ASAP2: variants seen among roughly 807,000 people sequenced by gnomAD.
ASAP2 encodes arf-GAP with SH3 domain, ANK repeat and PH domain-containing protein 2.
Under a neutral mutation model 131.4 loss-of-function variants are expected in ASAP2, and 45 were observed. That is an observed-to-expected ratio of 0.34 (90% confidence interval 0.27 to 0.44). The LOEUF (loss-of-function observed/expected upper bound fraction) is 0.44, where lower values mean the gene tolerates loss of function less well. Ranked by LOEUF, ASAP2 falls within the 20% of genes least tolerant of loss-of-function variation. ASAP2 has a pLI of 1.00. For missense variants in ASAP2, 1,011 were observed against 1,297.0 expected (o/e 0.78, Z 3.39); for synonymous variants, 510 against 503.0 (o/e 1.01, Z -0.19).
chr2:9,228,285 T>C (rs1662919548), intron 1 of ASAP2, among the ~76,000 whole-genome samples: 1 of 152,220 alleles, frequency 6.6e-6, no homozygotes, highest in East Asian at 1.9e-4. Flanking sequence ...AATATACTTA[T>C]GTCATCTGTC....
At chr2:9,274,319 CT>C (rs57798948) in intron 1 of ASAP2, among the ~76,000 whole-genome samples, 179 of 106,760 alleles carry the variant, frequency 1.7e-3, no homozygotes, top group African/African-American at 4.8e-3. Context: ...AGCATTCAAT[CT>C]TTTTTTTTTT....
chr2:9,322,540 G>A (rs1670221346), intron 5 of ASAP2, among the ~76,000 whole-genome samples: 1 of 151,000 alleles, frequency 6.6e-6, no homozygotes, highest in African/African-American at 2.5e-5. Flanking sequence ...GCTCTTCTTT[G>A]GATGTGCTCA....
At chr2:9,301,689 G>T (rs1668484552) in intron 3 of ASAP2, among the ~76,000 whole-genome samples, 1 of 152,214 alleles carries the variant, frequency 6.6e-6, no homozygotes, top group African/African-American at 2.4e-5. Context: ...GAAAGCAGGA[G>T]CCAATGGGTG....
intron 20 of ASAP2, among the ~76,000 whole-genome samples, chr2:9,384,505 GTC>G (rs1675108708): frequency 1.3e-5 from 2 of 152,246 alleles, no homozygotes; most frequent in Admixed American, 6.5e-5. Context: ...CCAGACACCA[GTC>G]ACAAATCAAC....
At chr2:9,216,846 G>C (rs1414034191) in intron 1 of ASAP2, among the ~76,000 whole-genome samples, 1 of 152,014 alleles carries the variant, frequency 6.6e-6, no homozygotes, top group Admixed American at 6.6e-5. Context: ...TGATCCTCCT[G>C]CCTTGCCCTC....
chr2:9,335,297 G>T (rs1009818510), intron 9 of ASAP2, 118 bp downstream of exon 9: 2 of 809,720 alleles, frequency 2.5e-6, no homozygotes, highest in South Asian at 1.6e-5. Flanking sequence ...GCTGTGTCAG[G>T]CACCAGTAAA....
chr2:9,338,395 G>A (rs1671362767), intron 9 of ASAP2, among the ~76,000 whole-genome samples: 2 of 151,798 alleles, frequency 1.3e-5, no homozygotes, highest in Admixed American at 6.6e-5. Context: ...CAAGCATCCT[G>A]TCTAGTAGGA....
intron 9 of ASAP2, among the ~76,000 whole-genome samples, chr2:9,339,593 G>T (rs971397338): frequency 2.0e-5 from 3 of 152,076 alleles, no homozygotes; most frequent in Admixed American, 6.6e-5. Flanking sequence ...AGATACCGTA[G>T]TGACCAAATT....
intron 1 of ASAP2, among the ~76,000 whole-genome samples, chr2:9,254,255 ACACGTGTGTGTG>A (rs1664970814): frequency 3.4e-5 from 2 of 58,436 alleles, no homozygotes; most frequent in Non-Finnish European, 6.9e-5. Flanking sequence ...ATATATATAT[ACACGTGTGTGTG>A]TATGCATATA....
intron 1 of ASAP2, among the ~76,000 whole-genome samples, chr2:9,210,617 C>T (rs566205165): frequency 9.9e-5 from 15 of 151,608 alleles, no homozygotes; most frequent in African/African-American, 3.6e-4. Flanking sequence ...TGCAGTGGCT[C>T]GATCCCCACT....
chr2:9,378,691 G>A (rs1674591103), intron 18 of ASAP2, among the ~76,000 whole-genome samples: 1 of 152,166 alleles, frequency 6.6e-6, no homozygotes, highest in South Asian at 2.1e-4. Flanking sequence ...CAACAACAGG[G>A]ATGCCCCCCT....
At chr2:9,292,676 G>A (rs1240981844) in intron 2 of ASAP2, among the ~76,000 whole-genome samples, 1 of 152,192 alleles carries the variant, frequency 6.6e-6, no homozygotes, top group Non-Finnish European at 1.5e-5. Flanking sequence ...CCAGTTCAAT[G>A]TCTCCTTGCC....
intron 11 of ASAP2, among the ~76,000 whole-genome samples, chr2:9,345,808 A>G (rs985267020): frequency 2.6e-5 from 4 of 152,166 alleles, no homozygotes; most frequent in African/African-American, 9.7e-5. Flanking sequence ...TCATCACTCA[A>G]CATGGGGTCC....
intron 7 of ASAP2, among the ~76,000 whole-genome samples, chr2:9,332,425 A>AT (rs903346558): frequency 2.0e-5 from 3 of 152,034 alleles, no homozygotes; most frequent in African/African-American, 7.2e-5. Flanking sequence ...GAGGGAGGAG[A>AT]TTTTCCAGGT....
rs74343764 is a variant in ASAP2 at position 9,316,475 on chromosome 2, G to A, written c.346-2049G>A. Among the ~76,000 whole-genome samples, 438 of 152,080 alleles carry A rather than the reference G, an allele frequency of 2.9e-3. 2 individuals are homozygous for A. The highest frequency in any genetic ancestry group is 1.0e-2 in the African/African-American group (414 of 41,472). The stretch of plus-strand genomic sequence containing the variant: ...CATAAGGTCCCAAGTCCCTCTTCTC[G>A]TCCTTCTCCTTCTCTGGGCCTGTAA... On this transcript the variant is annotated intron_variant, in intron 3 of 27. Coordinates refer to ENST00000281419, the MANE Select transcript of ASAP2 (RefSeq NM_003887.3).
intron 1 of ASAP2, among the ~76,000 whole-genome samples, chr2:9,278,529 GAAAA>G (rs1666907635): frequency 6.9e-6 from 1 of 143,958 alleles, no homozygotes; most frequent in African/African-American, 2.6e-5. Flanking sequence ...AAAAAAAAAA[GAAAA>G]AGAACAAAGG....
In ASAP2 at chr2:9,393,660, C is replaced by CA; in HGVS notation, c.2684+14dup. On this transcript the variant is annotated intron_variant, in intron 24 of 27. Transcript: ENST00000281419. ...AGCCTGCGCCGGGGTAAGCCACCCC[C>CA]AGCCAGCTCGGCCATCCGTGCTCCT... 1 of 1,555,062 alleles carries CA rather than the reference C, an allele frequency of 6.4e-7. No individual in the cohort carries two copies. Among genetic ancestry groups the CA allele is most frequent in the Non-Finnish European group, 8.7e-7 (1 of 1,155,104 alleles).
rs147583746 is a variant in ASAP2 at position 9,341,659 on chromosome 2, C to T, written c.850-2873C>T. On this transcript the variant is annotated intron_variant, in intron 9 of 27. Transcript: ENST00000281419. The stretch of plus-strand genomic sequence containing the variant: ...TTGGTTGTGCAGTTGAGTCTCCTGA[C>T]AGGTTTATTTTTAGTCTTTCACAGA... Among the ~76,000 whole-genome samples, 79 of 152,296 alleles carry T rather than the reference C, an allele frequency of 5.2e-4. 1 individual carries two copies. The East Asian group carries it at 0.014, about 27-fold the overall frequency.
At chr2:9,381,816 T>C (rs1674868536) in intron 20 of ASAP2, among the ~76,000 whole-genome samples, 1 of 151,964 alleles carries the variant, frequency 6.6e-6, no homozygotes, top group African/African-American at 2.4e-5. Context: ...GGTGGGAGAA[T>C]GGACTTGAGC....
Sources: gnomAD v4.1 joint callset for allele counts (sites outside exome capture counted in the v4.1 genomes callset) on GRCh38, gnomAD v4.1.1 for gene constraint, MANE v1.5 for transcripts, NCBI Gene and HGNC (gene_info 2026-07-23, HGNC 2026-07-21) for gene names.